The following THNSL1 variants were observed in gnomAD, a reference collection of about 807,000 sequenced individuals.
THNSL1 encodes the protein threonine synthase-like 1.
A neutral mutation model predicts 50.4 loss-of-function variants in THNSL1; 48 were observed. That is an observed-to-expected ratio of 0.95 (90% CI 0.76 to 1.21). The LOEUF (loss-of-function observed/expected upper bound fraction) is 1.21. THNSL1 is among the 50% of genes most tolerant of loss of function. The pLI, the probability that THNSL1 is intolerant of heterozygous loss-of-function variation, is 0.00. For missense variants in THNSL1, 896 were observed against 871.7 expected (o/e 1.03, Z -0.35); for synonymous variants, 309 against 306.1 (o/e 1.01, Z -0.10).
chr10:25,024,598 G>C lies in THNSL1; in HGVS notation c.1375G>C (p.Val459Leu). ...NDSDFTGFLT[V>L]EYGTILSSAN... ...TTCTGATTTTACTGGCTTTCTTACT[G>C]TGGAATATGGAACAATCTTAAGTTC... The change falls in exon 3 of 3, where the codon GTG (valine) becomes CTG (leucine). Residue 459 changes from valine (V) to leucine (L), a missense_variant. Transcript: ENST00000376356. The C allele has an allele frequency of 6.2e-7, 1 of 1,614,162 alleles. No homozygotes were observed. The highest frequency in any genetic ancestry group is 8.5e-7 in the Non-Finnish European group (1 of 1,180,026).
chr10:24,984,022 G>A, the THNSL1 span: 1 of 231,418 alleles, frequency 4.3e-6, no homozygotes, highest in Non-Finnish European at 8.3e-6. Flanking sequence ...TATGCATAGT[G>A]AGTTGTGGAA....
At chr10:25,018,652 G>T (rs1322576118) in intron 1 of THNSL1, among the ~76,000 whole-genome samples, 1 of 137,156 alleles carries the variant, frequency 7.3e-6, no homozygotes, top group Admixed American at 8.0e-5. Context: ...ATAAACAAAT[G>T]AGAGTTGTTT....
In THNSL1 at chr10:25,025,768, C is replaced by A; in HGVS notation, c.*313C>A. On this transcript the variant is annotated 3_prime_UTR_variant, in exon 3 of 3. Transcript: ENST00000376356. ...TATGTGGACCAAAATGTCTGGTATA[C>A]TATTTGGCGATTAAAATATTTAAGC... The A allele has an allele frequency of 4.0e-6, 1 of 247,774 alleles. No individual in the cohort carries two copies. Among genetic ancestry groups the A allele is most frequent in the Non-Finnish European group, 8.4e-6 (1 of 119,580 alleles). The allele number at this position is 247,774 out of a possible 1,614,324, so 15.3% of individuals were successfully genotyped here.
At chr10:24,959,713 G>T in the THNSL1 span, among the ~76,000 whole-genome samples, 3 of 151,712 alleles carry the variant, frequency 2.0e-5, no homozygotes, top group South Asian at 6.2e-4. Flanking sequence ...CTTTCTGGAA[G>T]GTGTTTTATA....
At chr10:25,007,601 A>AT in the THNSL1 span, among the ~76,000 whole-genome samples, 1 of 152,032 alleles carries the variant, frequency 6.6e-6, no homozygotes, top group African/African-American at 2.4e-5. Context: ...CACCCGGGTA[A>AT]TTTTTTGTAT....
the THNSL1 span, among the ~76,000 whole-genome samples, chr10:24,966,287 AG>A: frequency 6.6e-6 from 1 of 152,248 alleles, no homozygotes; most frequent in Non-Finnish European, 1.5e-5. Flanking sequence ...ATGTGTGCAA[AG>A]AAAGGCCCTA....
In THNSL1 at chr10:25,025,229, C is replaced by T; in HGVS notation, c.2006C>T (p.Ser669Leu). 1 of 1,614,178 alleles carries T rather than the reference C, an allele frequency of 6.2e-7. No homozygotes were observed. The highest frequency in any genetic ancestry group is 1.1e-5 in the South Asian group (1 of 91,078). The part of the protein sequence containing the change: ...PVIISSTAHY[S>L]KFAPAIMQAL... ...ATTATCTCATCTACAGCCCATTACT[C>T]AAAGTTTGCACCTGCTATCATGCAG... Residue 669 changes from serine (S) to leucine (L), a missense_variant, in exon 3 of 3, where the codon TCA (serine) becomes TTA (leucine). Coordinates refer to ENST00000376356, the MANE Select transcript of THNSL1 (RefSeq NM_024838.5).
the THNSL1 span, among the ~76,000 whole-genome samples, chr10:24,974,879 G>A: frequency 7.2e-5 from 11 of 152,158 alleles, no homozygotes; most frequent in African/African-American, 2.7e-4. Flanking sequence ...GTACAGTGAG[G>A]TGGTGATCCA....
chr10:24,994,830 G>C, the THNSL1 span, among the ~76,000 whole-genome samples: 1 of 151,822 alleles, frequency 6.6e-6, no homozygotes, highest in African/African-American at 2.4e-5. Context: ...AGACCAGCCT[G>C]GCCAACATGG....
intron 1 of THNSL1, among the ~76,000 whole-genome samples, chr10:25,018,538 A>G (rs551222558): frequency 2.5e-4 from 38 of 152,346 alleles, no homozygotes; most frequent in African/African-American, 8.9e-4. Flanking sequence ...TTGTGCTTCA[A>G]AGAAACTTGA....
the THNSL1 span, among the ~76,000 whole-genome samples, chr10:24,965,884 C>G: frequency 6.2e-4 from 94 of 152,316 alleles, no homozygotes; most frequent in Non-Finnish European, 1.0e-3. Context: ...AGCCACACAA[C>G]CACCTGAAAC....
At chr10:25,017,136 T>A (rs1249078750) in intron 1 of THNSL1, among the ~76,000 whole-genome samples, 2 of 152,268 alleles carry the variant, frequency 1.3e-5, no homozygotes, top group Non-Finnish European at 2.9e-5. Flanking sequence ...CCAGTGGACC[T>A]GCTCTTTGTA....
At chr10:24,962,630 A>T in the THNSL1 span, among the ~76,000 whole-genome samples, 1 of 152,248 alleles carries the variant, frequency 6.6e-6, no homozygotes, top group Non-Finnish European at 1.5e-5. Flanking sequence ...CCCTCAATGC[A>T]GAAGTGGGCA....
At chr10:25,011,130 T>A in the THNSL1 span, among the ~76,000 whole-genome samples, 1 of 151,838 alleles carries the variant, frequency 6.6e-6, no homozygotes, top group Non-Finnish European at 1.5e-5. Flanking sequence ...TTTTAATGAT[T>A]GCCATTCTAA....
rs1286912293 is a variant in THNSL1 at position 25,024,406 on chromosome 10, A to G, written c.1183A>G (p.Lys395Glu). 1.2e-6 allele frequency: 2 copies of G among 1,613,856 alleles called. No individual in the cohort carries two copies. The highest frequency in any genetic ancestry group is 2.7e-5 in the African/African-American group (2 of 74,940). Reference sequence around the variant, plus strand: ...CTTAAATGGTTTTAGTCGTCTAAATAAGAATGATAAGCAAAGGATAGCTGT... The same window carrying G: ...CTTAAATGGTTTTAGTCGTCTAAATGAGAATGATAAGCAAAGGATAGCTGT... The part of the protein sequence containing the change: ...AVLNGFSRLN[K>E]NDKQRIAVVA... The change falls in exon 3 of 3, where the codon AAG (lysine) becomes GAG (glutamate). Residue 395 changes from lysine to glutamate, a missense_variant. Physicochemically the swap from Lys to Glu is moderately conservative, Grantham distance 56 (BLOSUM62 1). Coordinates refer to ENST00000376356, the MANE Select transcript of THNSL1 (RefSeq NM_024838.5).
the THNSL1 span, chr10:24,952,439 C>A: frequency 6.3e-5 from 91 of 1,442,854 alleles, no homozygotes; most frequent in African/African-American, 9.3e-4. The surrounding 1 kb of genome is among the most constrained non-coding windows in gnomAD (Gnocchi z 5.1). Flanking sequence ...TCTCTCTCCC[C>A]CGACGCACGG....
At chr10:25,018,095 C>G (rs1241747097) in intron 1 of THNSL1, among the ~76,000 whole-genome samples, 1 of 152,196 alleles carries the variant, frequency 6.6e-6, no homozygotes, top group Non-Finnish European at 1.5e-5. Flanking sequence ...AATAATTTCA[C>G]TGATGTCTGT....
At chr10:25,021,665 A>G (rs1457897662) in intron 1 of THNSL1, 77 bp from the exon 2 acceptor site, 3 of 152,224 alleles carry the variant, frequency 2.0e-5, no homozygotes, top group African/African-American at 7.2e-5. Context: ...AGCTTTTCAA[A>G]TAATAGACTA....
the THNSL1 span, among the ~76,000 whole-genome samples, chr10:24,976,644 C>A: frequency 6.6e-6 from 1 of 152,030 alleles, no homozygotes; most frequent in Non-Finnish European, 1.5e-5. Context: ...TGCCTGCCAC[C>A]ACACCCAGCT....
Sources: gnomAD v4.1 joint callset for allele counts (sites outside exome capture counted in the v4.1 genomes callset) on GRCh38, gnomAD v4.1.1 for gene constraint, Gnocchi (gnomAD v3.1) non-coding constraint, MANE v1.5 for transcripts, NCBI Gene and HGNC (gene_info 2026-07-23, HGNC 2026-07-21) for gene names.